Variants in LRRC69 observed in about 807,000 individuals in gnomAD.
The protein encoded by LRRC69 is leucine-rich repeat-containing protein 69.
Under a neutral mutation model 37.8 loss-of-function variants are expected in LRRC69, and 42 were observed. The ratio of observed to expected loss-of-function variants is 1.11; its 90% confidence interval spans 0.87 to 1.44. LRRC69 has a LOEUF of 1.44. LRRC69 is among the 40% of genes most tolerant of loss of function. The pLI is 0.00. For synonymous variants in LRRC69, 141 were observed against 143.1 expected, an observed-to-expected ratio of 0.99 and a Z score of 0.11; for missense variants, 357 against 401.9, an observed-to-expected ratio of 0.89 and a Z score of 0.96.
chr8:91,124,694 GAA>G (rs1226807744), intron 2 of LRRC69, 75 bp downstream of exon 2: 2 of 1,291,644 alleles, frequency 1.5e-6, no homozygotes, highest in Non-Finnish European at 2.1e-6. Flanking sequence ...AGACTGAAAT[GAA>G]AAAGAATTTT....
chr8:91,118,097 A>G (rs1813545071), intron 1 of LRRC69: 3 of 445,584 alleles, frequency 6.7e-6, no homozygotes, highest in South Asian at 1.6e-5. Flanking sequence ...AATTAAATAT[A>G]GATAGCTAGA....
At chr8:91,198,860 T>G (rs1809665964) in intron 6 of LRRC69, among the ~76,000 whole-genome samples, 1 of 152,194 alleles carries the variant, frequency 6.6e-6, no homozygotes, top group Non-Finnish European at 1.5e-5. Context: ...TTTTATTTTA[T>G]ATATACTCAC....
At position 91,117,559 on chromosome 8, in the gene LRRC69, CTTT is replaced by C. The variant is rs35003763; in HGVS notation, c.184-6912_184-6910del. The stretch of plus-strand genomic sequence containing the variant: ...TAGAAGCCGAAACTAACAAGATCCA[CTTT>C]TTTTTTTTTTTTTTTTTTTTTACAG... On this transcript the variant is annotated intron_variant, in intron 1 of 7. Coordinates refer to ENST00000448384, the Ensembl canonical transcript of LRRC69. Among the ~76,000 whole-genome samples the C allele has an allele frequency of 5.8e-3, 666 of 115,096 alleles. 5 individuals carry two copies. Among genetic ancestry groups the C allele is most frequent in the East Asian group, 7.3e-3 (29 of 3,966 alleles). The allele number at this position is 115,096 out of a possible 152,430, so 75.5% of individuals were successfully genotyped here. A position where few individuals can be genotyped will look rare whatever the true frequency, so the allele number is the denominator to read the frequency against.
At chr8:91,197,551 C>T (rs1424623816) in intron 6 of LRRC69, among the ~76,000 whole-genome samples, 4 of 152,066 alleles carry the variant, frequency 2.6e-5, no homozygotes, top group Admixed American at 2.0e-4. Context: ...CGTGGTGCGC[C>T]GTTTTTTAAG....
intron 5 of LRRC69, among the ~76,000 whole-genome samples, chr8:91,183,886 T>C (rs1330349552): frequency 2.6e-5 from 4 of 152,150 alleles, no homozygotes; most frequent in Non-Finnish European, 4.4e-5. Context: ...AGAAAGGTTT[T>C]GTAAGATATG....
chr8:91,106,577 A>T (rs1813317086), intron 1 of LRRC69, among the ~76,000 whole-genome samples: 2 of 152,036 alleles, frequency 1.3e-5, no homozygotes, highest in South Asian at 4.1e-4. Context: ...ATGGTTCAGG[A>T]AGAGGTTAAA....
chr8:91,181,668 T>C (rs1276921617), intron 5 of LRRC69, among the ~76,000 whole-genome samples: 1 of 152,166 alleles, frequency 6.6e-6, no homozygotes, highest in Non-Finnish European at 1.5e-5. Flanking sequence ...CCTAGTTAAG[T>C]ATCAAGAGAG....
At chr8:91,185,408 A>C (rs780093158) in intron 5 of LRRC69, among the ~76,000 whole-genome samples, 15 of 151,446 alleles carry the variant, frequency 9.9e-5, no homozygotes, top group Non-Finnish European at 2.2e-4. Context: ...TTAGTTATCT[A>C]TTTCTTTCCA....
chr8:91,169,674 T>TC (rs1809092538), intron 5 of LRRC69, among the ~76,000 whole-genome samples: 1 of 48,706 alleles, frequency 2.1e-5, no homozygotes, highest in South Asian at 8.1e-4. Context: ...CCTCCCCCCC[T>TC]ACCCCCACCC....
intron 5 of LRRC69, chr8:91,158,255 G>T: frequency 1.3e-6 from 2 of 1,560,340 alleles, no homozygotes; most frequent in South Asian, 2.2e-5. Context: ...TGGATTAATT[G>T]GCCCCCTGAT....
intron 5 of LRRC69, among the ~76,000 whole-genome samples, chr8:91,155,733 G>A (rs1450901890): frequency 1.3e-5 from 2 of 150,328 alleles, no homozygotes; most frequent in East Asian, 3.9e-4. Flanking sequence ...GATAACATGC[G>A]GTATTTATCT....
intron 5 of LRRC69, among the ~76,000 whole-genome samples, chr8:91,162,905 G>A (rs2130567926): frequency 6.6e-6 from 1 of 150,682 alleles, no homozygotes; most frequent in East Asian, 2.0e-4. Flanking sequence ...TCTACATGTT[G>A]TCAAACCTAC....
intron 5 of LRRC69, among the ~76,000 whole-genome samples, chr8:91,151,203 G>C (rs1808730672): frequency 6.6e-6 from 1 of 151,356 alleles, no homozygotes; most frequent in Admixed American, 6.6e-5. Context: ...GATCTTTCCT[G>C]CTTTGTCTTG....
chr8:91,134,985 T>C (rs1488863197), intron 4 of LRRC69, among the ~76,000 whole-genome samples: 1 of 152,038 alleles, frequency 6.6e-6, no homozygotes, highest in Non-Finnish European at 1.5e-5. Context: ...ACAGCAATAA[T>C]AGTGGCAGTC....
At chr8:91,122,206 C>T (rs1228454961) in intron 1 of LRRC69, among the ~76,000 whole-genome samples, 1 of 151,954 alleles carries the variant, frequency 6.6e-6, no homozygotes, top group East Asian at 1.9e-4. Flanking sequence ...TACATGTTAC[C>T]ATCCCTTTTT....
intron 5 of LRRC69, among the ~76,000 whole-genome samples, chr8:91,175,278 CA>C (rs61478346): frequency 0.03 from 4,530 of 152,116 alleles, 246 homozygotes; most frequent in African/African-American, 0.1. Context: ...CTGGAATCCT[CA>C]GCTGCATGAA....
intron 3 of LRRC69, among the ~76,000 whole-genome samples, chr8:91,129,972 C>T (rs996955023): frequency 4.6e-5 from 7 of 151,732 alleles, no homozygotes; most frequent in African/African-American, 1.2e-4. Context: ...TTACATAAAA[C>T]TATTCAATGC....
At position 91,133,094 on chromosome 8, in the gene LRRC69, GTT is replaced by G. The variant is rs377280341; in HGVS notation, c.384-4_384-3del. The G allele has an allele frequency of 1.0e-3, 1,194 of 1,145,448 alleles. No homozygotes were observed. The highest frequency in any genetic ancestry group is 2.2e-3 in the Admixed American group (69 of 31,750). The allele number at this position is 1,145,448 out of a possible 1,614,324, so 71.0% of individuals were successfully genotyped here. On this transcript the variant is annotated splice_polypyrimidine_tract_variant and intron_variant, in intron 3 of 7. Coordinates refer to ENST00000448384, the Ensembl canonical transcript of LRRC69. ...GTGAGTTTCATTCATATACTTTGGT[GTT>G]TTTTTTTTTTTAGATTAAAAAGTCT...
chr8:91,155,562 T>C (rs1334091383), intron 5 of LRRC69, among the ~76,000 whole-genome samples: 2 of 150,848 alleles, frequency 1.3e-5, no homozygotes, highest in Non-Finnish European at 3.0e-5. Flanking sequence ...TACAGTGCTA[T>C]AGAATACTAG....
Sources: allele counts gnomAD v4.1 joint callset (sites outside exome capture counted in the v4.1 genomes callset), GRCh38; gene constraint gnomAD v4.1.1; transcripts MANE v1.5; gene names NCBI Gene and HGNC (gene_info 2026-07-23, HGNC 2026-07-21).